Variants in CBLN2 observed in about 807,000 individuals in gnomAD.
CBLN2 encodes cerebellin-2.
Under a neutral mutation model 15.0 loss-of-function variants are expected in CBLN2, and 7 were observed. The ratio of observed to expected loss-of-function variants is 0.47; its 90% CI spans 0.27 to 0.88. The LOEUF (loss-of-function observed/expected upper bound fraction) is 0.88, where lower values mean the gene tolerates loss of function less well. CBLN2 is among the 40% of genes least tolerant of loss of function. The probability of loss-of-function intolerance (pLI) is 0.14; values close to 1 mark genes in which losing one functional copy is unlikely to be tolerated. For synonymous variants in CBLN2, 149 were observed against 135.2 expected (o/e 1.10, Z -0.71); for missense variants, 242 against 304.5 (o/e 0.79, Z 1.53).
intron 1 of CBLN2, among the ~76,000 whole-genome samples, chr18:72,579,645 T>G (rs1466224238): frequency 6.6e-6 from 1 of 152,020 alleles, no homozygotes. Flanking sequence ...GGCAGGAGAA[T>G]TGCTTGAACC....
chr18:72,553,309 C>T (rs1568253448), intron 1 of CBLN2, among the ~76,000 whole-genome samples: 1 of 152,110 alleles, frequency 6.6e-6, no homozygotes, highest in Non-Finnish European at 1.5e-5. Flanking sequence ...GAATCTGCCC[C>T]GGTCCTTCAG....
At chr18:72,574,060 C>T (rs1435596145) in intron 1 of CBLN2, among the ~76,000 whole-genome samples, 2 of 152,070 alleles carry the variant, frequency 1.3e-5, no homozygotes, top group African/African-American at 4.8e-5. Flanking sequence ...TTTTCATATC[C>T]CTATTCACCG....
rs1179258300 is a variant in CBLN2, at chr18:72,542,221, A to C, written c.-61T>G. 1 of 1,106,344 alleles carries C rather than the reference A, an allele frequency of 9.0e-7. No individual in the cohort carries two copies. Among genetic ancestry groups the C allele is most frequent in the South Asian group, 4.5e-5 (1 of 22,140 alleles). 68.5% of individuals were successfully genotyped at this position (1,106,344 alleles called of 1,614,324 possible). A position where few individuals can be genotyped will look rare whatever the true frequency, so the allele number is the denominator to read the frequency against. ...CCGGCGCCGGCGCGAGCGGCGCGGA[A>C]GGGCGCGAAGGAACGCGCGGAGCTC... On this transcript the variant is annotated 5_prime_UTR_variant, in exon 3 of 5. Coordinates refer to ENST00000269503, the MANE Select transcript of CBLN2 (RefSeq NM_182511.4).
intron 3 of CBLN2, among the ~76,000 whole-genome samples, chr18:72,540,905 A>T (rs1334937135): frequency 6.6e-6 from 1 of 152,250 alleles, no homozygotes; most frequent in Non-Finnish European, 1.5e-5. Flanking sequence ...TAAAATGATT[A>T]GGTAATTAGC....
intron 1 of CBLN2, among the ~76,000 whole-genome samples, chr18:72,589,130 C>G (rs1279681476): frequency 6.6e-6 from 1 of 152,072 alleles, no homozygotes; most frequent in Non-Finnish European, 1.5e-5. Context: ...ACAAGAACGT[C>G]AATTGCGGCT....
intron 1 of CBLN2, among the ~76,000 whole-genome samples, chr18:72,606,332 A>G (rs2144948597): frequency 6.6e-6 from 1 of 152,348 alleles, no homozygotes; most frequent in Admixed American, 6.5e-5. Flanking sequence ...AGAACAGGTT[A>G]ATGACAGATT....
intron 1 of CBLN2, among the ~76,000 whole-genome samples, chr18:72,591,388 A>T (rs1216819766): frequency 6.6e-6 from 1 of 152,170 alleles, no homozygotes; most frequent in African/African-American, 2.4e-5. Flanking sequence ...GTAAGTGTAT[A>T]TATTTATGGT....
At chr18:72,630,578 G>GAGAGAGAGAGAGAGAGAGAGAC (rs2144978435) in intron 1 of CBLN2, among the ~76,000 whole-genome samples, 1 of 151,562 alleles carries the variant, frequency 6.6e-6, no homozygotes, top group South Asian at 2.1e-4. Flanking sequence ...GAGAGAGAGA[G>GAGAGAGAGAGAGAGAGAGAGAC]AGAGAGAGAG....
chr18:72,574,339 C>T (rs990919519), intron 1 of CBLN2, among the ~76,000 whole-genome samples: 1 of 152,152 alleles, frequency 6.6e-6, no homozygotes, highest in Non-Finnish European at 1.5e-5. Flanking sequence ...ATCATCGCCA[C>T]TTACAAGGTC....
intron 1 of CBLN2, among the ~76,000 whole-genome samples, chr18:72,588,289 T>C (rs527948739): frequency 6.6e-6 from 1 of 152,228 alleles, no homozygotes; most frequent in African/African-American, 2.4e-5. Context: ...TTTCAGTGTC[T>C]TCTAAATAAG....
chr18:72,600,801 G>T (rs1272602508), intron 1 of CBLN2, among the ~76,000 whole-genome samples: 5 of 152,170 alleles, frequency 3.3e-5, no homozygotes, highest in Non-Finnish European at 7.3e-5. Context: ...GGGGGCTAAA[G>T]AACTGGGAAC....
At chr18:72,538,536 C>T in intron 4 of CBLN2, 117 bp downstream of exon 4, 12 of 1,479,412 alleles carry the variant, frequency 8.1e-6, no homozygotes, top group South Asian at 1.2e-5. Flanking sequence ...AGCCACATCA[C>T]CCCCTGGACA....
chr18:72,587,963 A>C (rs1568125148), intron 1 of CBLN2, among the ~76,000 whole-genome samples: 1 of 152,330 alleles, frequency 6.6e-6, no homozygotes, highest in East Asian at 1.9e-4. Flanking sequence ...AGCCAAGTCG[A>C]TATTTGGCAT....
At chr18:72,629,503 A>G (rs1043524559) in intron 1 of CBLN2, among the ~76,000 whole-genome samples, 18 of 152,176 alleles carry the variant, frequency 1.2e-4, no homozygotes, top group Non-Finnish European at 2.5e-4. Flanking sequence ...AGTGACTTCT[A>G]GGTAGAAAGA....
At chr18:72,612,955 A>G (rs1029338843) in intron 1 of CBLN2, among the ~76,000 whole-genome samples, 6 of 152,290 alleles carry the variant, frequency 3.9e-5, no homozygotes, top group Admixed American at 3.9e-4. Context: ...GGTTCTTCCC[A>G]AGGGCTGGGA....
intron 3 of CBLN2, among the ~76,000 whole-genome samples, chr18:72,541,285 C>CTTTT (rs35778072): frequency 6.9e-6 from 1 of 144,868 alleles, no homozygotes; most frequent in Non-Finnish European, 1.5e-5. Flanking sequence ...TTCTTCCTCA[C>CTTTT]TTTTTTTTTT....
intron 1 of CBLN2, among the ~76,000 whole-genome samples, chr18:72,632,874 G>A (rs1237617795): frequency 5.3e-5 from 8 of 152,190 alleles, no homozygotes. Flanking sequence ...GGATCTACAG[G>A]ATAGGAAGCT....
rs185057105 is a variant in CBLN2, at chr18:72,575,895, A to G, written c.16-37123T>C. Among the ~76,000 whole-genome samples the G allele has an allele frequency of 2.3e-3, 354 of 152,302 alleles. 1 individual carries two copies. Among genetic ancestry groups the G allele is most frequent in the African/African-American group, 8.1e-3 (337 of 41,566 alleles). The stretch of plus-strand genomic sequence containing the variant: ...ACCATTCGATTCTGACCACTGGAGT[A>G]AAAATAAATGAGGCAAGTCAGAGGA... On this transcript the variant is annotated intron_variant, in intron 1 of 2. Coordinates refer to the CBLN2 transcript ENST00000581073.
chr18:72,545,944 T>TTA (rs2069154769), upstream of CBLN2, among the ~76,000 whole-genome samples: 1 of 152,182 alleles, frequency 6.6e-6, no homozygotes, highest in African/African-American at 2.4e-5. Flanking sequence ...AATGTTTAGA[T>TTA]TATATATATG....
Sources: gnomAD v4.1 joint callset for allele counts (sites outside exome capture counted in the v4.1 genomes callset) on GRCh38, gnomAD v4.1.1 for gene constraint, MANE v1.5 for transcripts, NCBI Gene and HGNC (gene_info 2026-07-23, HGNC 2026-07-21) for gene names.